Variants in SLC24A2 observed in about 807,000 individuals in gnomAD.
The protein encoded by SLC24A2 is solute carrier family 24 member 2.
Under a neutral mutation model 62.0 loss-of-function variants are expected in SLC24A2, and 36 were observed. The observed-to-expected ratio is 0.58, with a 90% CI of 0.44 to 0.77. The LOEUF is 0.77. Among genes scored for constraint, SLC24A2 ranks in the 30% least tolerant of loss-of-function variants. The probability of loss-of-function intolerance (pLI) is 0.00; values close to 1 mark genes in which losing one functional copy is unlikely to be tolerated. For missense variants in SLC24A2, 846 were observed against 817.9 expected (o/e 1.03, Z -0.42); for synonymous variants, 358 against 294.0 (o/e 1.22, Z -2.23).
At chr9:19,590,024 C>A (rs1028100662) in intron 5 of SLC24A2, among the ~76,000 whole-genome samples, 1 of 152,110 alleles carries the variant, frequency 6.6e-6, no homozygotes, top group Non-Finnish European at 1.5e-5. Flanking sequence ...CTCTCTTTCT[C>A]TGAATTTAGG....
the SLC24A2 span, among the ~76,000 whole-genome samples, chr9:20,025,140 T>A: frequency 1.3e-5 from 2 of 152,016 alleles, no homozygotes; most frequent in African/African-American, 4.8e-5. Flanking sequence ...TATTTTCTAG[T>A]CTATTCTATT....
chr9:19,653,293 C>G (rs541257812), intron 2 of SLC24A2, among the ~76,000 whole-genome samples: 1 of 152,190 alleles, frequency 6.6e-6, no homozygotes, highest in East Asian at 1.9e-4. Context: ...TGTTAGGACA[C>G]TTAATCACGT....
At chr9:20,082,586 T>C in the SLC24A2 span, among the ~76,000 whole-genome samples, 14 of 152,338 alleles carry the variant, frequency 9.2e-5, no homozygotes, top group South Asian at 2.7e-3. Flanking sequence ...TGAGGCACCA[T>C]CACCAGCTGG....
At chr9:19,563,913 G>C (rs901376280) in intron 7 of SLC24A2, among the ~76,000 whole-genome samples, 1 of 148,048 alleles carries the variant, frequency 6.8e-6, no homozygotes, top group Non-Finnish European at 1.5e-5. Context: ...GAGTGCACTA[G>C]GGTGATCATG....
intron 2 of SLC24A2, among the ~76,000 whole-genome samples, chr9:19,757,179 T>C (rs1210395444): frequency 1.3e-5 from 2 of 151,974 alleles, no homozygotes; most frequent in African/African-American, 4.8e-5. Context: ...TGATAACAGG[T>C]TGTAAATTCC....
chr9:19,623,475 C>T (rs1311117477), intron 2 of SLC24A2, among the ~76,000 whole-genome samples: 1 of 152,164 alleles, frequency 6.6e-6, no homozygotes, highest in East Asian at 1.9e-4. Context: ...CCCCACATCT[C>T]ATCTAAAATA....
the SLC24A2 span, among the ~76,000 whole-genome samples, chr9:19,804,110 G>A: frequency 6.6e-6 from 1 of 152,098 alleles, no homozygotes; most frequent in Non-Finnish European, 1.5e-5. Context: ...AGGGTCTCTT[G>A]CATTTACACA....
chr9:19,833,829 T>G, the SLC24A2 span, among the ~76,000 whole-genome samples: 10 of 152,218 alleles, frequency 6.6e-5, no homozygotes, highest in Non-Finnish European at 1.2e-4. Context: ...CACCCCCAAC[T>G]AGGGGCGGAC....
At chr9:20,214,379 C>T in the SLC24A2 span, among the ~76,000 whole-genome samples, 6 of 152,138 alleles carry the variant, frequency 3.9e-5, no homozygotes, top group African/African-American at 1.2e-4. Flanking sequence ...TTTGGGAGGC[C>T]AAGGCAGGCG....
At chr9:19,877,966 G>A in the SLC24A2 span, among the ~76,000 whole-genome samples, 1 of 151,994 alleles carries the variant, frequency 6.6e-6, no homozygotes, top group African/African-American at 2.4e-5. Flanking sequence ...TTAAAGATGT[G>A]AATCTATGAG....
the SLC24A2 span, among the ~76,000 whole-genome samples, chr9:19,829,628 G>C: frequency 2.6e-5 from 4 of 151,786 alleles, no homozygotes; most frequent in African/African-American, 9.7e-5. Context: ...CTATTCAGGA[G>C]GCTGTGGTGG....
the SLC24A2 span, among the ~76,000 whole-genome samples, chr9:20,225,522 G>A: frequency 1.2e-5 from 1 of 85,574 alleles, no homozygotes; most frequent in African/African-American, 7.1e-5. Flanking sequence ...AAGTGAGTGG[G>A]TACATTAATG....
At chr9:19,829,068 A>G in the SLC24A2 span, among the ~76,000 whole-genome samples, 2 of 151,330 alleles carry the variant, frequency 1.3e-5, no homozygotes, top group Non-Finnish European at 2.9e-5. Context: ...CTTTGCTCGA[A>G]CTCCTTTTGG....
At chr9:20,174,334 G>GA in the SLC24A2 span, among the ~76,000 whole-genome samples, 1 of 151,454 alleles carries the variant, frequency 6.6e-6, no homozygotes, top group East Asian at 2.0e-4. Context: ...GCAATTAAAA[G>GA]AAAAAAAGGA....
At chr9:19,812,972 T>C in the SLC24A2 span, among the ~76,000 whole-genome samples, 1 of 152,224 alleles carries the variant, frequency 6.6e-6, no homozygotes, top group African/African-American at 2.4e-5. Flanking sequence ...GCCTCTTAGC[T>C]GAAAACTCTG....
chr9:19,604,134 C>G (rs1466453626), intron 4 of SLC24A2, among the ~76,000 whole-genome samples: 3 of 152,208 alleles, frequency 2.0e-5, no homozygotes, highest in Non-Finnish European at 2.9e-5. Context: ...TTAAAGTGCT[C>G]TGTTAATCTT....
the SLC24A2 span, among the ~76,000 whole-genome samples, chr9:20,231,022 T>A: frequency 6.6e-6 from 1 of 152,174 alleles, no homozygotes; most frequent in Non-Finnish European, 1.5e-5. Context: ...TTTGTCAGGT[T>A]TGTCAAAGAT....
the SLC24A2 span, among the ~76,000 whole-genome samples, chr9:19,895,224 ATTTTG>A: frequency 2.7e-5 from 4 of 149,734 alleles, no homozygotes; most frequent in African/African-American, 9.8e-5. Context: ...ACCAAGGTTT[ATTTTG>A]TTTTTTTTTT....
At chr9:19,848,333 G>A in the SLC24A2 span, among the ~76,000 whole-genome samples, 1 of 152,186 alleles carries the variant, frequency 6.6e-6, no homozygotes, top group South Asian at 2.1e-4. Context: ...GTGAGAAAAT[G>A]AGTGGGTTCA....
Sources: gnomAD v4.1 joint callset for allele counts (sites outside exome capture counted in the v4.1 genomes callset) on GRCh38, gnomAD v4.1.1 for gene constraint, MANE v1.5 for transcripts, NCBI Gene and HGNC (gene_info 2026-07-23, HGNC 2026-07-21) for gene names.